The following MYLIP variants were observed in gnomAD, a reference collection of about 807,000 sequenced individuals.
MYLIP encodes the protein myosin regulatory light chain interacting protein.
In MYLIP, 26 loss-of-function variants were observed where a neutral mutation model predicts 45.8. The ratio of observed to expected loss-of-function variants is 0.57; its 90% CI spans 0.42 to 0.79. The LOEUF (loss-of-function observed/expected upper bound fraction) is 0.79, where lower values mean the gene tolerates loss of function less well. MYLIP is among the 30% of genes least tolerant of loss of function. The probability of loss-of-function intolerance (pLI) is 0.00; values close to 1 mark genes in which losing one functional copy is unlikely to be tolerated. For synonymous variants in MYLIP, 213 were observed against 218.1 expected, an observed-to-expected ratio of 0.98 and a Z score of 0.21; for missense variants, 494 against 555.6, an observed-to-expected ratio of 0.89 and a Z score of 1.11.
the MYLIP span, among the ~76,000 whole-genome samples, chr6:16,162,786 A>T: frequency 1.6e-5 from 2 of 122,794 alleles, no homozygotes; most frequent in East Asian, 2.3e-4. Context: ...CCTCAACTCT[A>T]AAAAAAAAAA....
In MYLIP at chr6:16,143,171, C is replaced by T. The variant is rs777770124; in HGVS notation, c.616C>T (p.Pro206Ser). The T allele has an allele frequency of 3.0e-5, 49 of 1,613,940 alleles. No homozygotes were observed. The highest frequency in any genetic ancestry group is 4.1e-5 in the Non-Finnish European group (48 of 1,180,022). Residue 206 changes from proline to serine, a missense_variant, in exon 4 of 7, where the codon CCT becomes TCT. Physicochemically the swap from Pro to Ser is moderately conservative, Grantham distance 74. Transcript: ENST00000356840. Reference sequence around the variant, plus strand: ...GCAGAAACTGCTCATTGGGGTTGGACCTGAAGGAATCTCAATTTGTAAAGA... The same window carrying T: ...GCAGAAACTGCTCATTGGGGTTGGATCTGAAGGAATCTCAATTTGTAAAGA... ...EGQKLLIGVGPEGISICKDDF... is the reference protein window; with the variant it reads ...EGQKLLIGVGSEGISICKDDF...
intron 2 of MYLIP, among the ~76,000 whole-genome samples, chr6:16,131,761 C>G (rs1205601943): frequency 6.6e-6 from 1 of 152,054 alleles, no homozygotes; most frequent in African/African-American, 2.4e-5. Context: ...TTTGTTTTAC[C>G]AAAGGACTGA....
At chr6:16,131,588 A>T (rs1465561719) in intron 2 of MYLIP, among the ~76,000 whole-genome samples, 1 of 152,242 alleles carries the variant, frequency 6.6e-6, no homozygotes, top group Admixed American at 6.5e-5. Context: ...AAAGGAAAAC[A>T]GCTACTTTGA....
chr6:16,132,990 T>C (rs1049176854), intron 2 of MYLIP, among the ~76,000 whole-genome samples: 2 of 152,210 alleles, frequency 1.3e-5, no homozygotes, highest in African/African-American at 4.8e-5. Flanking sequence ...GATGCTGAAA[T>C]ATCCTGGCAG....
rs187868580 is a variant in MYLIP at position 16,144,127 on chromosome 6, C to G, written c.827+264C>G. ...TATTCTCTTATGCCATTAATCTAGA[C>G]ACAAAGTGTGTTAGGAGATTTCTAT... is the stretch of plus-strand genomic sequence containing the variant. On this transcript the variant is annotated intron_variant, in intron 5 of 6. Coordinates refer to ENST00000356840, the MANE Select transcript of MYLIP (RefSeq NM_013262.4). Among the ~76,000 whole-genome samples, 18 of 152,220 alleles carry G rather than the reference C, an allele frequency of 1.2e-4. No homozygotes were observed. In the East Asian group the frequency reaches 3.5e-3, roughly 29 times the overall value.
chr6:16,136,904 G>A (rs141302722), intron 2 of MYLIP, among the ~76,000 whole-genome samples: 1 of 152,088 alleles, frequency 6.6e-6, no homozygotes, highest in Admixed American at 6.5e-5. Flanking sequence ...TTTTTGAGTT[G>A]TACAAATTCT....
intron 2 of MYLIP, among the ~76,000 whole-genome samples, chr6:16,138,749 T>C (rs367883895): frequency 1.3e-5 from 2 of 152,196 alleles, no homozygotes; most frequent in African/African-American, 2.4e-5. Flanking sequence ...GGTTGCTTTA[T>C]AGCCATGAAA....
rs143616256 is a variant in MYLIP, at chr6:16,137,261, A to G, written c.279-4364A>G. The stretch of plus-strand genomic sequence containing the variant: ...TGTTGTGATTTGATAGCTTTTAAAT[A>G]TAACTTGGCAGTCAAAGTTTGTTTT... On this transcript the variant is annotated intron_variant, in intron 2 of 6. Transcript: ENST00000356840. Among the ~76,000 whole-genome samples the G allele has an allele frequency of 1.4e-3, 209 of 152,366 alleles. 1 individual carries two copies. The highest frequency in any genetic ancestry group is 2.8e-3 in the Admixed American group (43 of 15,308).
chr6:16,163,261 CT>C, the MYLIP span: 1 of 152,174 alleles, frequency 6.6e-6, no homozygotes, highest in Admixed American at 6.5e-5. Flanking sequence ...ATACACTGGT[CT>C]CGTGCTGCTG....
downstream of MYLIP, among the ~76,000 whole-genome samples, chr6:16,151,245 T>A (rs1759875476): frequency 6.6e-6 from 1 of 150,868 alleles, no homozygotes; most frequent in African/African-American, 2.4e-5. Flanking sequence ...CAGTCCCAGC[T>A]ACTCAGGAGG....
At chr6:16,154,611 G>T in the MYLIP span, among the ~76,000 whole-genome samples, 7 of 152,278 alleles carry the variant, frequency 4.6e-5, no homozygotes, top group African/African-American at 1.7e-4. Context: ...TGCTCCAAAA[G>T]GTTGACCTTA....
intron 2 of MYLIP, among the ~76,000 whole-genome samples, chr6:16,136,615 A>G (rs535292999): frequency 7.2e-5 from 11 of 152,356 alleles, no homozygotes; most frequent in Admixed American, 2.6e-4. Context: ...TAGCTGGGTC[A>G]TGGAGTAAGT....
In MYLIP at chr6:16,143,141, G is replaced by A. The variant is rs758773363; in HGVS notation, c.586G>A (p.Glu196Lys). The change falls in exon 4 of 7, where the codon GAA (glutamate) becomes AAA (lysine). Residue 196 changes from glutamate (E) to lysine (K), a missense_variant. Glu to Lys is a moderately conservative substitution (Grantham distance 56, BLOSUM62 1). Coordinates refer to ENST00000356840, the MANE Select transcript of MYLIP (RefSeq NM_013262.4). ...AGAATGGCATTCTGTGCGGGATAGC[G>A]AAGGGCAGAAACTGCTCATTGGGGT... ...GIEWHSVRDS[E>K]GQKLLIGVGP... The A allele has an allele frequency of 1.5e-5, 25 of 1,614,040 alleles. No individual in the cohort carries two copies. The highest frequency in any genetic ancestry group is 3.3e-5 in the Admixed American group (2 of 60,004).
intron 2 of MYLIP, among the ~76,000 whole-genome samples, chr6:16,134,793 T>G (rs1334546729): frequency 6.6e-6 from 1 of 152,234 alleles, no homozygotes; most frequent in Non-Finnish European, 1.5e-5. Context: ...AAATTTCTGA[T>G]ATAATTTTTT....
chr6:16,149,321 A>ATATTACATGAAACCACTATATT (rs1367364225), downstream of MYLIP, among the ~76,000 whole-genome samples: 3 of 152,232 alleles, frequency 2.0e-5, no homozygotes, highest in Non-Finnish European at 2.9e-5. Context: ...CTCAGTGACT[A>ATATTACATGAAACCACTATATT]ACATGAAAAC....
chr6:16,143,636 G>A (rs1056972642), intron 4 of MYLIP, 63 bp from the exon 5 acceptor site: 39 of 1,563,542 alleles, frequency 2.5e-5, no homozygotes, highest in Non-Finnish European at 3.1e-5. Flanking sequence ...TCCCACAAAG[G>A]CACACACATG....
At chr6:16,155,071 TCTC>T in the MYLIP span, among the ~76,000 whole-genome samples, 1 of 152,046 alleles carries the variant, frequency 6.6e-6, no homozygotes. Flanking sequence ...TGCTGGCCCT[TCTC>T]CTCCCAGCTT....
intron 2 of MYLIP, among the ~76,000 whole-genome samples, chr6:16,139,342 C>G (rs1049619810): frequency 6.7e-5 from 10 of 150,238 alleles, no homozygotes; most frequent in African/African-American, 2.2e-4. Flanking sequence ...GAGCCCAGAT[C>G]GTGCCATAGC....
chr6:16,142,253 T>G (rs914239651), intron 3 of MYLIP, among the ~76,000 whole-genome samples: 1 of 152,238 alleles, frequency 6.6e-6, no homozygotes, highest in African/African-American at 2.4e-5. Flanking sequence ...TTCAAAAAAT[T>G]TGTTAGCCTT....
Sources: allele counts gnomAD v4.1 joint callset (sites outside exome capture counted in the v4.1 genomes callset), GRCh38; gene constraint gnomAD v4.1.1; transcripts MANE v1.5; gene names NCBI Gene and HGNC (gene_info 2026-07-23, HGNC 2026-07-21).